MGAT4C: variants seen among roughly 807,000 people sequenced by gnomAD.
MGAT4C encodes alpha-1,3-mannosyl-glycoprotein 4-beta-N-acetylglucosaminyltransferase C.
MGAT4C carries 19 observed loss-of-function variants against 40.1 expected under a neutral mutation model. That is an observed-to-expected ratio of 0.47 (90% CI 0.33 to 0.70). The LOEUF is 0.70. MGAT4C is among the 30% of genes least tolerant of loss of function. MGAT4C has a pLI of 0.02. For synonymous variants in MGAT4C, 181 were observed against 187.1 expected (o/e 0.97, Z 0.27); for missense variants, 491 against 563.2 (o/e 0.87, Z 1.30).
intron 2 of MGAT4C, among the ~76,000 whole-genome samples, chr12:86,595,282 G>A (rs1376729446): frequency 1.3e-5 from 2 of 152,126 alleles, no homozygotes; most frequent in Non-Finnish European, 2.9e-5. Context: ...GGTGGCTCAT[G>A]CCTGTAATCC....
intron 1 of MGAT4C, among the ~76,000 whole-genome samples, chr12:86,108,608 C>T (rs561511167): frequency 5.3e-4 from 81 of 152,184 alleles, no homozygotes; most frequent in Middle Eastern, 3.4e-3. Context: ...TGGTTCTGGC[C>T]GGGTTTACAG....
intron 2 of MGAT4C, among the ~76,000 whole-genome samples, chr12:86,624,699 C>T (rs1231687027): frequency 2.0e-5 from 3 of 151,918 alleles, no homozygotes; most frequent in African/African-American, 7.3e-5. Flanking sequence ...CATAGAGGTG[C>T]CACATTATAT....
intron 2 of MGAT4C, among the ~76,000 whole-genome samples, chr12:86,588,882 C>A (rs1267426052): frequency 6.6e-6 from 1 of 151,644 alleles, no homozygotes; most frequent in African/African-American, 2.4e-5. Flanking sequence ...ATACCAGAAT[C>A]TCTGGGACAC....
At chr12:86,294,388 G>C (rs1277137478) in intron 4 of MGAT4C, among the ~76,000 whole-genome samples, 2 of 150,838 alleles carry the variant, frequency 1.3e-5, no homozygotes, top group East Asian at 3.9e-4. Flanking sequence ...CTAAATCCTT[G>C]CTTTTATCAC....
chr12:86,206,447 AGGT>A (rs1196751711), intron 1 of MGAT4C, among the ~76,000 whole-genome samples: 1 of 152,204 alleles, frequency 6.6e-6, no homozygotes, highest in African/African-American at 2.4e-5. Context: ...TGGGCTGAGA[AGGT>A]GGTATTAGGT....
chr12:86,102,613 A>T (rs1353751865), intron 1 of MGAT4C, among the ~76,000 whole-genome samples: 3 of 152,112 alleles, frequency 2.0e-5, no homozygotes, highest in Non-Finnish European at 2.9e-5. Flanking sequence ...ATGGTTTAAT[A>T]GCTGAAAAGA....
At chr12:86,799,479 C>T (rs1451300912) in intron 1 of MGAT4C, among the ~76,000 whole-genome samples, 2 of 151,804 alleles carry the variant, frequency 1.3e-5, no homozygotes, top group African/African-American at 4.8e-5. Flanking sequence ...TACTTTCTAT[C>T]TCACAGCTGT....
intron 2 of MGAT4C, among the ~76,000 whole-genome samples, chr12:86,568,287 A>G (rs973388306): frequency 1.3e-5 from 2 of 152,002 alleles, no homozygotes; most frequent in African/African-American, 4.8e-5. Context: ...AGATTTGCTG[A>G]GTTTTCTGGC....
chr12:86,739,511 C>T (rs1366217152), intron 1 of MGAT4C, among the ~76,000 whole-genome samples: 1 of 150,604 alleles, frequency 6.6e-6, no homozygotes, highest in East Asian at 1.9e-4. Context: ...TCAGCAACTG[C>T]AGATGTAAAA....
intron 1 of MGAT4C, among the ~76,000 whole-genome samples, chr12:86,804,557 C>G (rs1441211008): frequency 6.6e-6 from 1 of 151,808 alleles, no homozygotes; most frequent in African/African-American, 2.4e-5. Flanking sequence ...TGAAATAAGT[C>G]TTTGTCAGTG....
At chr12:86,303,453 AAATTCTATT>A in intron 4 of MGAT4C, among the ~76,000 whole-genome samples, 1 of 150,394 alleles carries the variant, frequency 6.6e-6, no homozygotes, top group South Asian at 2.1e-4. Context: ...TTCCATTCGA[AAATTCTATT>A]AATATCTCTT....
At chr12:86,838,147 C>A (rs1953078455) in intron 1 of MGAT4C, among the ~76,000 whole-genome samples, 3 of 152,072 alleles carry the variant, frequency 2.0e-5, no homozygotes, top group Admixed American at 2.0e-4. Context: ...ATAATATTAT[C>A]AAAAAGACTT....
At chr12:86,744,066 G>A (rs1951114932) in intron 1 of MGAT4C, among the ~76,000 whole-genome samples, 1 of 151,538 alleles carries the variant, frequency 6.6e-6, no homozygotes, top group South Asian at 2.1e-4. Context: ...CTTGGCTTGA[G>A]GCAGTGGGAA....
Position 86,089,994 on chromosome 12 carries a change from T to C in MGAT4C, c.-56-40271A>G, listed in dbSNP as rs368924900. ...GGCTGATTGATCGGGTTTTCTAAAG[T>C]TCTATTTATCTCTACAAATATTACT... On this transcript the variant is annotated intron_variant, in intron 1 of 4. Coordinates refer to ENST00000611864, the MANE Select transcript of MGAT4C (RefSeq NM_001351288.2). Among the ~76,000 whole-genome samples the C allele has an allele frequency of 6.6e-5, 10 of 151,776 alleles. No homozygotes were observed. In the East Asian group the frequency reaches 1.9e-3, roughly 29 times the overall value.
chr12:86,720,989 A>C (rs1015058601), intron 2 of MGAT4C, among the ~76,000 whole-genome samples: 2 of 152,146 alleles, frequency 1.3e-5, no homozygotes, highest in African/African-American at 2.4e-5. Flanking sequence ...TTACATACTC[A>C]CATGAAAAAA....
At chr12:86,201,388 A>G (rs570182017) in intron 1 of MGAT4C, among the ~76,000 whole-genome samples, 2 of 151,438 alleles carry the variant, frequency 1.3e-5, no homozygotes, top group East Asian at 3.9e-4. Flanking sequence ...CAATAACACC[A>G]TCTTGATTAA....
At chr12:86,651,147 T>C (rs900490527) in intron 2 of MGAT4C, among the ~76,000 whole-genome samples, 5 of 151,922 alleles carry the variant, frequency 3.3e-5, no homozygotes, top group African/African-American at 9.7e-5. Context: ...TAAATGGTAA[T>C]ATATTGTGTG....
At chr12:86,403,581 TA>T (rs1339377462) in intron 3 of MGAT4C, among the ~76,000 whole-genome samples, 1 of 152,194 alleles carries the variant, frequency 6.6e-6, no homozygotes, top group African/African-American at 2.4e-5. Flanking sequence ...ACATTTAAAT[TA>T]TATGCCTCTA....
chr12:86,571,605 C>CTG (rs747593159), intron 2 of MGAT4C, among the ~76,000 whole-genome samples: 1 of 151,750 alleles, frequency 6.6e-6, no homozygotes, highest in Non-Finnish European at 1.5e-5. Flanking sequence ...GCGTGAGTGT[C>CTG]TGTGTGTGTG....
Sources: allele counts gnomAD v4.1 joint callset (sites outside exome capture counted in the v4.1 genomes callset), GRCh38; gene constraint gnomAD v4.1.1; transcripts MANE v1.5; gene names NCBI Gene and HGNC (gene_info 2026-07-23, HGNC 2026-07-21).